Variants in CADM2 observed in about 807,000 individuals in gnomAD.
CADM2 encodes immunoglobulin superfamily member 4D.
A neutral mutation model predicts 49.8 loss-of-function variants in CADM2; 12 were observed. The ratio of observed to expected loss-of-function variants is 0.24; its 90% CI spans 0.15 to 0.39. The LOEUF is 0.39. Ranked by LOEUF, CADM2 falls within the 10% of genes least tolerant of loss-of-function variation. CADM2 has a pLI of 1.00. For missense variants in CADM2, 378 were observed against 492.3 expected, an observed-to-expected ratio of 0.77 and a Z score of 2.20; for synonymous variants, 214 against 175.4, an observed-to-expected ratio of 1.22 and a Z score of -1.74.
chr3:85,627,938 C>T (rs896221520), intron 1 of CADM2, among the ~76,000 whole-genome samples: 2 of 152,026 alleles, frequency 1.3e-5, no homozygotes, highest in Admixed American at 6.6e-5. Context: ...CTGAATTCCT[C>T]GGATTTCCAC....
chr3:85,819,677 G>A (rs2073431302), intron 3 of CADM2, among the ~76,000 whole-genome samples: 1 of 152,080 alleles, frequency 6.6e-6, no homozygotes, highest in Non-Finnish European at 1.5e-5. Flanking sequence ...GAAATTAATA[G>A]TCATATTAAT....
At chr3:85,389,394 T>A (rs149301121) in intron 1 of CADM2, among the ~76,000 whole-genome samples, 2,358 of 152,218 alleles carry the variant, frequency 0.015, 27 homozygotes, top group Non-Finnish European at 0.025. Context: ...GCAGAAAATA[T>A]GAGGAAAACA....
chr3:85,933,252 G>C, intron 6 of CADM2, among the ~76,000 whole-genome samples: 1 of 149,560 alleles, frequency 6.7e-6, no homozygotes, highest in Admixed American at 6.7e-5. Context: ...CTCAACCAAA[G>C]AGGATAACTA....
chr3:85,316,420 T>C (rs1396947526), intron 1 of CADM2, among the ~76,000 whole-genome samples: 1 of 152,148 alleles, frequency 6.6e-6, no homozygotes, highest in African/African-American at 2.4e-5. Flanking sequence ...AATGAGAGAT[T>C]GGCTGAGTGT....
At chr3:85,696,572 G>A (rs1028156222) in intron 1 of CADM2, among the ~76,000 whole-genome samples, 7 of 151,692 alleles carry the variant, frequency 4.6e-5, no homozygotes, top group African/African-American at 7.3e-5. Context: ...AAGATTAGTC[G>A]GTTATAAATA....
At chr3:85,367,749 G>A (rs2032895200) in intron 1 of CADM2, among the ~76,000 whole-genome samples, 1 of 151,826 alleles carries the variant, frequency 6.6e-6, no homozygotes, top group Middle Eastern at 3.4e-3. Context: ...AAGGAGTGAT[G>A]CCAAAATAAA....
At chr3:85,141,311 T>C (rs1295729658) in intron 1 of CADM2, among the ~76,000 whole-genome samples, 1 of 152,138 alleles carries the variant, frequency 6.6e-6, no homozygotes, top group Non-Finnish European at 1.5e-5. Flanking sequence ...ATCTTTTAAA[T>C]TGGGATGACA....
intron 1 of CADM2, among the ~76,000 whole-genome samples, chr3:85,697,086 T>TATATATATGCCATATATATATATGCC (rs1393558222): frequency 1.0e-4 from 2 of 20,044 alleles, no homozygotes; most frequent in African/African-American, 4.3e-4. Flanking sequence ...ATATATGCCA[T>TATATATATGCCATATATATATATGCC]ATATATATAT....
At chr3:85,102,241 C>T (rs545793950) in intron 1 of CADM2, among the ~76,000 whole-genome samples, 46 of 152,206 alleles carry the variant, frequency 3.0e-4, no homozygotes, top group African/African-American at 1.1e-3. Context: ...GTTGGTACCT[C>T]ATTTGCTTAG....
At chr3:86,007,985 T>C (rs879589179) in intron 8 of CADM2, among the ~76,000 whole-genome samples, 2 of 152,184 alleles carry the variant, frequency 1.3e-5, no homozygotes, top group Non-Finnish European at 2.9e-5. Flanking sequence ...TAAGTATAGC[T>C]TAGAATTTGA....
chr3:85,180,351 A>G (rs1266258469), intron 1 of CADM2, among the ~76,000 whole-genome samples: 7 of 151,796 alleles, frequency 4.6e-5, no homozygotes, highest in African/African-American at 1.7e-4. Flanking sequence ...TCTACTGAAA[A>G]TTTAAAAATT....
intron 1 of CADM2, among the ~76,000 whole-genome samples, chr3:85,546,282 C>T (rs149271359): frequency 7.2e-5 from 11 of 152,138 alleles, no homozygotes; most frequent in Admixed American, 2.0e-4. Context: ...TAATCACCTG[C>T]GGTGATACTA....
chr3:85,149,110 A>G (rs61685551), intron 1 of CADM2, among the ~76,000 whole-genome samples: 1 of 149,758 alleles, frequency 6.7e-6, no homozygotes, highest in Admixed American at 6.6e-5. Flanking sequence ...TTTTTTTTTT[A>G]AAAAAATCAA....
chr3:85,981,770 G>A (rs1233413296), intron 8 of CADM2, among the ~76,000 whole-genome samples: 2 of 151,704 alleles, frequency 1.3e-5, no homozygotes, highest in East Asian at 1.9e-4. Context: ...TGGGCATCTA[G>A]GTTGATTCCA....
intron 1 of CADM2, among the ~76,000 whole-genome samples, chr3:85,185,394 CT>C (rs2041035377): frequency 6.6e-6 from 1 of 151,918 alleles, no homozygotes; most frequent in Non-Finnish European, 1.5e-5. Flanking sequence ...ATTTAGCAGC[CT>C]TTTGTATTAT....
At chr3:85,186,835 A>G (rs1233683217) in intron 1 of CADM2, among the ~76,000 whole-genome samples, 1 of 152,194 alleles carries the variant, frequency 6.6e-6, no homozygotes, top group Non-Finnish European at 1.5e-5. Flanking sequence ...TGTATAATAC[A>G]GATCTAAAAA....
intron 1 of CADM2, among the ~76,000 whole-genome samples, chr3:85,109,718 G>A (rs1200290463): frequency 6.6e-6 from 1 of 151,904 alleles, no homozygotes; most frequent in African/African-American, 2.4e-5. Context: ...TATTTATAAT[G>A]GTTAGCATAT....
intron 1 of CADM2, among the ~76,000 whole-genome samples, chr3:85,063,024 C>G (rs2036392595): frequency 6.6e-6 from 1 of 151,870 alleles, no homozygotes. Context: ...TCAGGAATCT[C>G]TTGTTGACCT....
intron 1 of CADM2, among the ~76,000 whole-genome samples, chr3:85,295,872 A>G (rs2043949431): frequency 1.3e-5 from 2 of 152,010 alleles, no homozygotes; most frequent in African/African-American, 4.8e-5. Flanking sequence ...GCACATGTAT[A>G]CATATGTAAC....
Sources: gnomAD v4.1 joint callset for allele counts (sites outside exome capture counted in the v4.1 genomes callset) on GRCh38, gnomAD v4.1.1 for gene constraint, MANE v1.5 for transcripts, NCBI Gene and HGNC (gene_info 2026-07-23, HGNC 2026-07-21) for gene names.